The following SPOCK1 variants were observed in gnomAD, a reference collection of about 807,000 sequenced individuals.
SPOCK1 encodes the protein testican-1.
SPOCK1 carries 23 observed loss-of-function variants against 55.3 expected under a neutral mutation model. The observed-to-expected ratio is 0.42, with a 90% CI of 0.30 to 0.59. The LOEUF (loss-of-function observed/expected upper bound fraction) is 0.59. SPOCK1 is among the 20% of genes least tolerant of loss of function. The pLI is 0.22. For missense variants in SPOCK1, 499 were observed against 552.5 expected, an observed-to-expected ratio of 0.90 and a Z score of 0.97; for synonymous variants, 226 against 221.0, an observed-to-expected ratio of 1.02 and a Z score of -0.20.
chr5:137,055,621 T>C (rs968963045), intron 6 of SPOCK1, among the ~76,000 whole-genome samples: 2 of 152,218 alleles, frequency 1.3e-5, no homozygotes, highest in African/African-American at 4.8e-5. Flanking sequence ...AATCTCCAGA[T>C]ACTCCCTCCT....
At chr5:137,051,062 G>C (rs1002448505) in intron 6 of SPOCK1, among the ~76,000 whole-genome samples, 1 of 152,032 alleles carries the variant, frequency 6.6e-6, no homozygotes, top group Non-Finnish European at 1.5e-5. Flanking sequence ...TTTGAATATC[G>C]TCGGAGAGAA....
chr5:137,087,879 C>T (rs1338451346), intron 5 of SPOCK1, among the ~76,000 whole-genome samples: 11 of 150,392 alleles, frequency 7.3e-5, no homozygotes, highest in Admixed American at 7.3e-4. Context: ...CAGGGGTGGG[C>T]TGTATCTAGG....
At chr5:137,361,238 T>C (rs1216941990) in intron 2 of SPOCK1, among the ~76,000 whole-genome samples, 1 of 152,186 alleles carries the variant, frequency 6.6e-6, no homozygotes. Context: ...GAAATAAGTG[T>C]CTTTTGTTTA....
chr5:137,225,506 T>C (rs1284055702), intron 3 of SPOCK1, among the ~76,000 whole-genome samples: 1 of 152,174 alleles, frequency 6.6e-6, no homozygotes, highest in Non-Finnish European at 1.5e-5. Flanking sequence ...CCTACAACTA[T>C]TTCCCTGCAC....
chr5:137,440,943 C>T (rs1405990810), intron 2 of SPOCK1, among the ~76,000 whole-genome samples: 5 of 152,202 alleles, frequency 3.3e-5, no homozygotes, highest in Non-Finnish European at 4.4e-5. Flanking sequence ...TGCCATTCAG[C>T]TTCAGGAGGC....
At chr5:137,300,953 G>GA (rs1450246331) in intron 2 of SPOCK1, among the ~76,000 whole-genome samples, 6 of 152,078 alleles carry the variant, frequency 3.9e-5, no homozygotes, top group Non-Finnish European at 8.8e-5. Flanking sequence ...TGGCCACTGG[G>GA]TTTTTTTCCT....
At chr5:137,413,589 T>A (rs532758675) in intron 2 of SPOCK1, among the ~76,000 whole-genome samples, 1 of 152,252 alleles carries the variant, frequency 6.6e-6, no homozygotes, top group Non-Finnish European at 1.5e-5. Flanking sequence ...ATGAACTCCA[T>A]CCCACCTGAG....
intron 6 of SPOCK1, among the ~76,000 whole-genome samples, chr5:137,056,069 A>G (rs1561592870): frequency 6.6e-6 from 1 of 152,210 alleles, no homozygotes; most frequent in Non-Finnish European, 1.5e-5. Flanking sequence ...TTCCTCAGTT[A>G]CTTCATTCCA....
chr5:137,029,233 A>G (rs946766663), intron 6 of SPOCK1, among the ~76,000 whole-genome samples: 19 of 152,184 alleles, frequency 1.2e-4, no homozygotes, highest in African/African-American at 4.6e-4. Flanking sequence ...ATGTGACCTC[A>G]TCCCTGAGAG....
chr5:137,091,807 G>T (rs1449364146), intron 5 of SPOCK1, among the ~76,000 whole-genome samples: 2 of 152,148 alleles, frequency 1.3e-5, no homozygotes, highest in South Asian at 2.1e-4. Context: ...AAGTTTATTA[G>T]CCCCTCTTTC....
At chr5:137,317,950 T>C (rs1296383365) in intron 2 of SPOCK1, among the ~76,000 whole-genome samples, 1 of 152,224 alleles carries the variant, frequency 6.6e-6, no homozygotes, top group Non-Finnish European at 1.5e-5. Flanking sequence ...AGTTTTGTTT[T>C]GATAGCTCAC....
chr5:137,064,530 ACACCATGCC>A (rs1490075341), intron 6 of SPOCK1, among the ~76,000 whole-genome samples: 34 of 152,306 alleles, frequency 2.2e-4, no homozygotes, highest in African/African-American at 7.5e-4. Context: ...CTGCCTGTGG[ACACCATGCC>A]CACTGCCTGC....
intron 3 of SPOCK1, among the ~76,000 whole-genome samples, chr5:137,192,494 T>C (rs1288657436): frequency 6.6e-6 from 1 of 152,086 alleles, no homozygotes; most frequent in African/African-American, 2.4e-5. Context: ...ATTAGAAGGA[T>C]TTTTCCCACT....
At chr5:137,118,353 C>A (rs1580759898) in intron 4 of SPOCK1, among the ~76,000 whole-genome samples, 1 of 152,196 alleles carries the variant, frequency 6.6e-6, no homozygotes, top group East Asian at 1.9e-4. Context: ...GGTCATAACC[C>A]CTCTCTTCAA....
chr5:137,381,157 T>C (rs760299279), intron 2 of SPOCK1, among the ~76,000 whole-genome samples: 1 of 151,884 alleles, frequency 6.6e-6, no homozygotes, highest in Non-Finnish European at 1.5e-5. Context: ...TCCAAAATAA[T>C]CTCCTTTTGA....
At chr5:137,188,133 G>A (rs10515490) in intron 3 of SPOCK1, among the ~76,000 whole-genome samples, 6,466 of 152,294 alleles carry the variant, frequency 0.042, 257 homozygotes, top group Admixed American at 0.11. Flanking sequence ...CATGGCAGAA[G>A]AAAGGTTGGG....
At chr5:137,215,922 G>C (rs144457071) in intron 3 of SPOCK1, among the ~76,000 whole-genome samples, 74 of 152,322 alleles carry the variant, frequency 4.9e-4, no homozygotes, top group African/African-American at 1.6e-3. Context: ...TGTTTAAAGA[G>C]ATCAGTGGCT....
chr5:137,370,718 C>T (rs1751181323), intron 2 of SPOCK1, among the ~76,000 whole-genome samples: 1 of 152,234 alleles, frequency 6.6e-6, no homozygotes, highest in Non-Finnish European at 1.5e-5. Context: ...CACATGCAAT[C>T]ATTAGAGTTT....
At chr5:137,273,561 C>T (rs1033462617) in intron 2 of SPOCK1, among the ~76,000 whole-genome samples, 1 of 152,210 alleles carries the variant, frequency 6.6e-6, no homozygotes, top group Non-Finnish European at 1.5e-5. Context: ...AAGGTCCCAA[C>T]AATTCACTAA....
Sources: allele counts gnomAD v4.1 joint callset (sites outside exome capture counted in the v4.1 genomes callset), GRCh38; gene constraint gnomAD v4.1.1; transcripts MANE v1.5; gene names NCBI Gene and HGNC (gene_info 2026-07-23, HGNC 2026-07-21).